MGAT4C: variants seen among roughly 807,000 people sequenced by gnomAD.
MGAT4C encodes MGAT4 family member C.
Under a neutral mutation model 40.1 loss-of-function variants are expected in MGAT4C, and 19 were observed. The observed-to-expected ratio is 0.47, with a 90% confidence interval of 0.33 to 0.70. MGAT4C has a LOEUF of 0.70. Ranked by LOEUF, MGAT4C falls within the 30% of genes least tolerant of loss-of-function variation. The pLI is 0.02. For synonymous variants in MGAT4C, 181 were observed against 187.1 expected, an observed-to-expected ratio of 0.97 and a Z score of 0.27; for missense variants, 491 against 563.2, an observed-to-expected ratio of 0.87 and a Z score of 1.30.
chr12:86,106,292 T>C (rs1876156764), intron 1 of MGAT4C, among the ~76,000 whole-genome samples: 1 of 152,104 alleles, frequency 6.6e-6, no homozygotes, highest in African/African-American at 2.4e-5. Context: ...TAGTTTAGTT[T>C]AGTTTTTTAG....
chr12:86,313,818 A>C (rs1263185572), intron 4 of MGAT4C, among the ~76,000 whole-genome samples: 1 of 152,228 alleles, frequency 6.6e-6, no homozygotes, highest in Non-Finnish European at 1.5e-5. Context: ...ATGAATATCT[A>C]AAAACATTTT....
At chr12:86,568,715 G>C (rs1960236466) in intron 2 of MGAT4C, among the ~76,000 whole-genome samples, 1 of 151,634 alleles carries the variant, frequency 6.6e-6, no homozygotes, top group Non-Finnish European at 1.5e-5. Flanking sequence ...GCATGGTATT[G>C]GTATAAAAAC....
chr12:86,815,199 A>G (rs1467569377), intron 1 of MGAT4C, among the ~76,000 whole-genome samples: 1 of 152,076 alleles, frequency 6.6e-6, no homozygotes, highest in Non-Finnish European at 1.5e-5. Context: ...ATAAATAGAC[A>G]ATTCTCAAAA....
intron 1 of MGAT4C, among the ~76,000 whole-genome samples, chr12:86,821,738 T>G (rs2136227201): frequency 6.6e-6 from 1 of 151,034 alleles, no homozygotes; most frequent in Non-Finnish European, 1.5e-5. Flanking sequence ...TCAGCCACGG[T>G]TTGGATACTT....
intron 2 of MGAT4C, among the ~76,000 whole-genome samples, chr12:86,675,333 A>G (rs763166072): frequency 2.6e-5 from 4 of 152,166 alleles, no homozygotes; most frequent in East Asian, 1.9e-4. Context: ...TCTTATCGTG[A>G]TGACTCCCAG....
At chr12:86,279,056 T>C (rs1442391370) in intron 4 of MGAT4C, among the ~76,000 whole-genome samples, 1 of 152,188 alleles carries the variant, frequency 6.6e-6, no homozygotes, top group Admixed American at 6.6e-5. Flanking sequence ...TTGCTAGTAT[T>C]CTGTTTTTGC....
intron 2 of MGAT4C, among the ~76,000 whole-genome samples, chr12:86,691,406 G>A (rs1319224528): frequency 1.3e-5 from 2 of 152,268 alleles, no homozygotes; most frequent in Non-Finnish European, 2.9e-5. Flanking sequence ...AACAGAGCTT[G>A]AGCAATGTCA....
chr12:86,006,395 C>A (rs192655925), intron 2 of MGAT4C, among the ~76,000 whole-genome samples: 2 of 152,220 alleles, frequency 1.3e-5, no homozygotes, highest in Admixed American at 1.3e-4. Context: ...ACTGCTAACC[C>A]ATCCAGCAAA....
At chr12:86,779,757 C>CA (rs1951805802) in intron 1 of MGAT4C, among the ~76,000 whole-genome samples, 1 of 151,448 alleles carries the variant, frequency 6.6e-6, no homozygotes, top group South Asian at 2.1e-4. Flanking sequence ...ACTAAAAATA[C>CA]AAAAAATTAG....
chr12:86,277,188 T>C (rs1021678872), intron 4 of MGAT4C, among the ~76,000 whole-genome samples: 2 of 152,204 alleles, frequency 1.3e-5, no homozygotes, highest in African/African-American at 4.8e-5. Context: ...TTGAGCACAT[T>C]TTTATATACC....
chr12:86,005,385 G>A (rs759416158), intron 2 of MGAT4C, among the ~76,000 whole-genome samples: 3 of 152,076 alleles, frequency 2.0e-5, no homozygotes, highest in Admixed American at 1.3e-4. Context: ...GAACACAATT[G>A]GAAACATTGG....
chr12:86,706,451 GTCTC>G (rs975534649), intron 2 of MGAT4C, among the ~76,000 whole-genome samples: 1 of 151,036 alleles, frequency 6.6e-6, no homozygotes, highest in African/African-American at 2.4e-5. Flanking sequence ...TAGGGATAGG[GTCTC>G]TCTATTTTGC....
chr12:86,259,238 A>T (rs11836146), upstream of MGAT4C, among the ~76,000 whole-genome samples: 1 of 151,936 alleles, frequency 6.6e-6, no homozygotes, highest in Non-Finnish European at 1.5e-5. Flanking sequence ...AAACTTCAAG[A>T]CCTTTCAGTA....
intron 1 of MGAT4C, among the ~76,000 whole-genome samples, chr12:86,818,018 C>T (rs996948169): frequency 5.3e-5 from 8 of 151,290 alleles, no homozygotes; most frequent in African/African-American, 1.7e-4. Context: ...ACCCTACTTG[C>T]ACAAGGTGAG....
At position 86,067,359 on chromosome 12, in the gene MGAT4C, T is replaced by C. The variant is rs1375992386; in HGVS notation, c.-56-17636A>G. ...TAAAGAAAATGTGTCACATATACAC[T>C]ATGGAATACTATGTAGCCATAAAAA... On this transcript the variant is annotated intron_variant, in intron 1 of 4. Transcript: ENST00000611864. Among the ~76,000 whole-genome samples, 3 of 152,160 alleles carry C rather than the reference T, an allele frequency of 2.0e-5. No individual in the cohort carries two copies. The East Asian group carries it at 5.8e-4, about 29-fold the overall frequency.
At position 85,979,381 on chromosome 12, in the gene MGAT4C, T is replaced by C. The variant is rs144502445; in HGVS notation, c.1345A>G (p.Ile449Val). ...CTCATACAATGTATATCAAATGGAA[T>C]TTTTTGATTTACACCTGACATTTCA... is the stretch of plus-strand genomic sequence containing the variant. Reference protein sequence around the residue: ...NFEMSGVNQKIPFDIHCMRIY... With the variant: ...NFEMSGVNQKVPFDIHCMRIY... Residue 449 changes from isoleucine (I) to valine (V), a missense_variant, in exon 5 of 5, where the codon ATT becomes GTT. Physicochemically the swap from Ile to Val is conservative, Grantham distance 29. Transcript: ENST00000611864. 1.2e-3 allele frequency: 1,859 copies of C among 1,612,352 alleles called. 5 individuals carry two copies. Among genetic ancestry groups the C allele is most frequent in the Middle Eastern group, 7.1e-3 (43 of 6,054 alleles).
intron 2 of MGAT4C, among the ~76,000 whole-genome samples, chr12:86,480,924 T>A (rs528987528): frequency 6.6e-6 from 1 of 151,926 alleles, no homozygotes; most frequent in Admixed American, 6.6e-5. Context: ...CAGGACATTT[T>A]CCACACTCTG....
intron 4 of MGAT4C, among the ~76,000 whole-genome samples, chr12:86,322,035 A>G (rs1954402801): frequency 6.6e-6 from 1 of 152,018 alleles, no homozygotes; most frequent in South Asian, 2.1e-4. Flanking sequence ...ATGGAATACT[A>G]TGCAGCCATA....
chr12:86,731,029 G>T lies in MGAT4C; in HGVS notation c.-261-3788C>A, dbSNP rs1020956620. 2.6e-5 allele frequency among the ~76,000 whole-genome samples: 4 copies of T among 152,076 alleles called. No homozygotes were observed. In the East Asian group the frequency reaches 7.7e-4, roughly 29 times the overall value. On this transcript the variant is annotated intron_variant, in intron 1 of 7. Coordinates refer to the MGAT4C transcript ENST00000548651. ...GTCAACTAGTTAGTGAGTGTCAAAG[G>T]CAGAAGTGAAGTAAGATTATCTGAT...
Sources: allele counts gnomAD v4.1 joint callset (sites outside exome capture counted in the v4.1 genomes callset), GRCh38; gene constraint gnomAD v4.1.1; transcripts MANE v1.5; gene names NCBI Gene and HGNC (gene_info 2026-07-23, HGNC 2026-07-21).